AKAP6: variants seen among roughly 807,000 people sequenced by gnomAD.
AKAP6 encodes the protein A-kinase anchor protein 6.
Under a neutral mutation model 188.5 loss-of-function variants are expected in AKAP6, and 58 were observed. That is an observed-to-expected ratio of 0.31 (90% CI 0.25 to 0.38). AKAP6 has a LOEUF of 0.38. AKAP6 is among the 10% of genes least tolerant of loss of function. AKAP6 has a pLI of 1.00. For missense variants in AKAP6, 2,710 were observed against 2,740.0 expected (o/e 0.99, Z 0.24); for synonymous variants, 989 against 998.6 (o/e 0.99, Z 0.18).
At chr14:32,469,318 A>C (rs1356919933) in intron 2 of AKAP6, among the ~76,000 whole-genome samples, 1 of 152,220 alleles carries the variant, frequency 6.6e-6, no homozygotes, top group East Asian at 1.9e-4. Flanking sequence ...TATGATCACT[A>C]GCATTCCCCC....
intron 7 of AKAP6, among the ~76,000 whole-genome samples, chr14:32,654,754 C>T (rs1258576562): frequency 6.6e-5 from 10 of 151,058 alleles, no homozygotes; most frequent in East Asian, 1.9e-4. Context: ...GAGGCTGAGG[C>T]GGCAGGATAG....
At chr14:32,399,327 A>C (rs1178688578) in intron 1 of AKAP6, among the ~76,000 whole-genome samples, 4 of 152,216 alleles carry the variant, frequency 2.6e-5, no homozygotes, top group Admixed American at 6.5e-5. Context: ...GAAGTATCAT[A>C]AAATATAACT....
At chr14:32,440,899 C>T (rs1406233406) in intron 2 of AKAP6, among the ~76,000 whole-genome samples, 1 of 152,050 alleles carries the variant, frequency 6.6e-6, no homozygotes. Flanking sequence ...TATGTTGAAA[C>T]TTAATTGCCA....
intron 1 of AKAP6, among the ~76,000 whole-genome samples, chr14:32,396,369 T>G (rs1888879542): frequency 6.6e-6 from 1 of 152,142 alleles, no homozygotes; most frequent in Non-Finnish European, 1.5e-5. Context: ...AACTTTGGGG[T>G]TGTCTACCTA....
chr14:32,420,903 A>G (rs1889819038), intron 1 of AKAP6, among the ~76,000 whole-genome samples: 1 of 62,122 alleles, frequency 1.6e-5, no homozygotes, highest in South Asian at 8.2e-4. Flanking sequence ...TGTGCAGGAG[A>G]TTGATTTGTG....
At chr14:32,457,904 T>C (rs530497785) in intron 2 of AKAP6, among the ~76,000 whole-genome samples, 31 of 152,332 alleles carry the variant, frequency 2.0e-4, no homozygotes, top group Non-Finnish European at 4.0e-4. Flanking sequence ...AAAGCTGACT[T>C]GGTCATTTCA....
intron 12 of AKAP6, among the ~76,000 whole-genome samples, chr14:32,792,427 A>G (rs963636114): frequency 6.6e-6 from 1 of 152,052 alleles, no homozygotes; most frequent in Non-Finnish European, 1.5e-5. Context: ...TTTGTCTAGT[A>G]TTGGTGTATA....
intron 1 of AKAP6, among the ~76,000 whole-genome samples, chr14:32,338,282 T>G (rs1415188471): frequency 6.6e-6 from 1 of 152,106 alleles, no homozygotes; most frequent in African/African-American, 2.4e-5. Context: ...CCATATATGC[T>G]CAGATACCCA....
chr14:32,437,878 G>C (rs1049904673), intron 2 of AKAP6, among the ~76,000 whole-genome samples: 3 of 152,110 alleles, frequency 2.0e-5, no homozygotes, highest in Admixed American at 2.0e-4. Context: ...GGCATTACAG[G>C]CGTGGCCTTT....
At chr14:32,628,345 A>G (rs940141739) in intron 7 of AKAP6, among the ~76,000 whole-genome samples, 4 of 152,130 alleles carry the variant, frequency 2.6e-5, no homozygotes, top group African/African-American at 4.8e-5. Flanking sequence ...CAACCATCCA[A>G]ATTCTACAGT....
chr14:32,338,941 ATTC>A (rs1213854317), intron 1 of AKAP6, among the ~76,000 whole-genome samples: 2 of 152,186 alleles, frequency 1.3e-5, no homozygotes, highest in African/African-American at 4.8e-5. Flanking sequence ...CAAGAAAATC[ATTC>A]TTAGAGCTTT....
chr14:32,391,545 A>G (rs1951183), intron 1 of AKAP6, among the ~76,000 whole-genome samples: 138,684 of 152,228 alleles, frequency 0.91, 63,434 homozygotes, highest in South Asian at 0.96. Context: ...CCATTGGGCA[A>G]TTGAGAGAGC....
At chr14:32,624,896 A>G (rs547343728) in intron 7 of AKAP6, among the ~76,000 whole-genome samples, 1 of 152,240 alleles carries the variant, frequency 6.6e-6, no homozygotes, top group East Asian at 1.9e-4. Flanking sequence ...TGTAATTAAA[A>G]CAAGTAGAAT....
At chr14:32,453,701 A>T (rs1891023840) in intron 2 of AKAP6, among the ~76,000 whole-genome samples, 1 of 139,892 alleles carries the variant, frequency 7.1e-6, no homozygotes, top group African/African-American at 2.6e-5. Flanking sequence ...GGTTCACGCC[A>T]TTCTCCTGCC....
At chr14:32,615,591 CTTTTT>C (rs779867395) in intron 7 of AKAP6, among the ~76,000 whole-genome samples, 5 of 115,306 alleles carry the variant, frequency 4.3e-5, no homozygotes, top group African/African-American at 1.9e-4. Context: ...TAAACCATTA[CTTTTT>C]TTTTTTTTTT....
chr14:32,623,552 C>A (rs1886895520), intron 7 of AKAP6, among the ~76,000 whole-genome samples: 1 of 152,078 alleles, frequency 6.6e-6, no homozygotes, highest in African/African-American at 2.4e-5. Context: ...AGTCTCTGGA[C>A]CTTATGGCAT....
At chr14:32,629,677 A>ATTTT in intron 7 of AKAP6, among the ~76,000 whole-genome samples, 1 of 141,170 alleles carries the variant, frequency 7.1e-6, no homozygotes, top group Non-Finnish European at 1.5e-5. Flanking sequence ...GCATATAAGC[A>ATTTT]TTTTTTTTTT....
intron 2 of AKAP6, 106 bp downstream of exon 2, chr14:32,433,923 G>T: frequency 9.3e-7 from 1 of 1,074,424 alleles, no homozygotes; most frequent in Non-Finnish European, 1.3e-6. Context: ...AGGAAGAAAA[G>T]CACAGTACCA....
intron 12 of AKAP6, among the ~76,000 whole-genome samples, chr14:32,809,154 C>T (rs779520377): frequency 5.9e-5 from 9 of 152,122 alleles, no homozygotes; most frequent in South Asian, 2.1e-4. Flanking sequence ...AGAAAGCTGG[C>T]GCATTTTTAT....
Sources: gnomAD v4.1 joint callset for allele counts (sites outside exome capture counted in the v4.1 genomes callset) on GRCh38, gnomAD v4.1.1 for gene constraint, MANE v1.5 for transcripts, NCBI Gene and HGNC (gene_info 2026-07-23, HGNC 2026-07-21) for gene names.